SLC9A9: variants seen among roughly 807,000 people sequenced by gnomAD.
The protein encoded by SLC9A9 is solute carrier family 9 member A9.
Under a neutral mutation model 77.8 loss-of-function variants are expected in SLC9A9, and 62 were observed. That is an observed-to-expected ratio of 0.80 (90% confidence interval 0.65 to 0.98). SLC9A9 has a LOEUF of 0.98. SLC9A9 is among the 50% of genes least tolerant of loss of function. SLC9A9 has a pLI of 0.00. For synonymous variants in SLC9A9, 320 were observed against 283.5 expected (o/e 1.13, Z -1.29); for missense variants, 775 against 774.9 (o/e 1.00, Z 0.00).
At chr3:143,392,137 G>A (rs896376158) in intron 12 of SLC9A9, among the ~76,000 whole-genome samples, 1 of 152,082 alleles carries the variant, frequency 6.6e-6, no homozygotes, top group Non-Finnish European at 1.5e-5. Context: ...GCAACTCCAA[G>A]ACACATAATT....
chr3:143,292,924 C>G (rs2030078660), intron 14 of SLC9A9, among the ~76,000 whole-genome samples: 1 of 152,092 alleles, frequency 6.6e-6, no homozygotes, highest in Non-Finnish European at 1.5e-5. Flanking sequence ...GCTGCCGCTG[C>G]TGGGGGAAAT....
rs1049266302 is a variant in SLC9A9, at chr3:143,837,845, T to C, written c.176-5624A>G. Among the ~76,000 whole-genome samples, 6 of 152,218 alleles carry C rather than the reference T, an allele frequency of 3.9e-5. No homozygotes were observed. The South Asian group carries it at 1.2e-3, about 31-fold the overall frequency. On this transcript the variant is annotated intron_variant, in intron 1 of 15. Coordinates refer to ENST00000316549, the MANE Select transcript of SLC9A9 (RefSeq NM_173653.4). ...GACACAGAAGAGATGAGCTCTCTTCTTTTCCAGCATATTAATGGGCCCGGT... is the reference window on the plus strand; with the variant it reads ...GACACAGAAGAGATGAGCTCTCTTCCTTTCCAGCATATTAATGGGCCCGGT...
intron 4 of SLC9A9, among the ~76,000 whole-genome samples, chr3:143,703,920 C>A (rs528869532): frequency 6.6e-6 from 1 of 152,038 alleles, no homozygotes. Context: ...GATCATTAGT[C>A]GCTACCCTGA....
intron 6 of SLC9A9, among the ~76,000 whole-genome samples, chr3:143,645,101 C>T (rs1189553150): frequency 2.0e-5 from 3 of 152,150 alleles, no homozygotes; most frequent in Non-Finnish European, 4.4e-5. Flanking sequence ...AAATATCTAT[C>T]TCTGGAAGAG....
At chr3:143,560,870 T>C (rs2037072945) in intron 8 of SLC9A9, among the ~76,000 whole-genome samples, 3 of 152,208 alleles carry the variant, frequency 2.0e-5, no homozygotes, top group Middle Eastern at 3.2e-3. Context: ...GACTTTCAAA[T>C]GCATTTTTCT....
At chr3:143,490,566 C>T (rs838605) in intron 11 of SLC9A9, among the ~76,000 whole-genome samples, 70,477 of 151,752 alleles carry the variant, frequency 0.46, 17,685 homozygotes, top group Non-Finnish European at 0.55. Flanking sequence ...TTTTACAAGA[C>T]GAAAAGAATT....
intron 6 of SLC9A9, among the ~76,000 whole-genome samples, chr3:143,641,726 C>A (rs12635131): frequency 0.49 from 74,619 of 151,962 alleles, 18,362 homozygotes; most frequent in Non-Finnish European, 0.5. Context: ...TTTTGAGAAG[C>A]ATTCTGGTGA....
intron 4 of SLC9A9, among the ~76,000 whole-genome samples, chr3:143,758,580 C>T (rs1377447049): frequency 6.6e-6 from 1 of 151,994 alleles, no homozygotes; most frequent in Non-Finnish European, 1.5e-5. Context: ...GAAAACAAGC[C>T]AAGGTGGGGG....
intron 4 of SLC9A9, among the ~76,000 whole-genome samples, chr3:143,732,532 C>T (rs375659017): frequency 7.6e-4 from 116 of 152,180 alleles, no homozygotes; most frequent in African/African-American, 2.2e-3. Flanking sequence ...TTCAGTTGCG[C>T]GTGTGACTGT....
intron 12 of SLC9A9, among the ~76,000 whole-genome samples, chr3:143,386,029 G>A (rs2033416822): frequency 6.6e-6 from 1 of 152,146 alleles, no homozygotes. Flanking sequence ...GCGATACCCT[G>A]CCTTCTTTCC....
At chr3:143,519,773 G>C (rs1237670216) in intron 9 of SLC9A9, among the ~76,000 whole-genome samples, 1 of 152,126 alleles carries the variant, frequency 6.6e-6, no homozygotes, top group East Asian at 1.9e-4. Context: ...AAAGTAGAGA[G>C]AGGTGAGAGG....
At chr3:143,640,236 C>T (rs1576628133) in intron 6 of SLC9A9, among the ~76,000 whole-genome samples, 1 of 151,976 alleles carries the variant, frequency 6.6e-6, no homozygotes, top group African/African-American at 2.4e-5. Context: ...TTAGCCAGGA[C>T]AGTCTCAATT....
chr3:143,757,568 A>C (rs1001913320), intron 4 of SLC9A9, among the ~76,000 whole-genome samples: 3 of 152,126 alleles, frequency 2.0e-5, no homozygotes, highest in Non-Finnish European at 4.4e-5. Flanking sequence ...ATTGCAAGTC[A>C]ATGGATGCCT....
chr3:143,367,832 C>T (rs780438278), intron 13 of SLC9A9, among the ~76,000 whole-genome samples: 29 of 152,158 alleles, frequency 1.9e-4, no homozygotes, highest in Non-Finnish European at 2.4e-4. Flanking sequence ...TATTTCTTCT[C>T]TTTCGAGGAT....
At chr3:143,370,708 G>T (rs962762765) in intron 13 of SLC9A9, among the ~76,000 whole-genome samples, 1 of 148,954 alleles carries the variant, frequency 6.7e-6, no homozygotes, top group Non-Finnish European at 1.5e-5. Flanking sequence ...GTGTAGATTT[G>T]TGATTCCATT....
intron 13 of SLC9A9, among the ~76,000 whole-genome samples, chr3:143,379,603 T>G (rs1163205769): frequency 6.6e-6 from 1 of 152,222 alleles, no homozygotes; most frequent in Non-Finnish European, 1.5e-5. Flanking sequence ...ATAACGCTAC[T>G]TACTTAACAT....
At chr3:143,533,235 A>G (rs1301224916) in intron 9 of SLC9A9, among the ~76,000 whole-genome samples, 1 of 152,220 alleles carries the variant, frequency 6.6e-6, no homozygotes, top group African/African-American at 2.4e-5. Context: ...CCTGGCTCAC[A>G]GCGACCTGGG....
chr3:143,339,834 A>C (rs908688177), intron 14 of SLC9A9, among the ~76,000 whole-genome samples: 2 of 152,174 alleles, frequency 1.3e-5, no homozygotes, highest in Non-Finnish European at 2.9e-5. Flanking sequence ...ACTGTTTTTC[A>C]AAATAATTAT....
At chr3:143,771,909 G>C (rs566266926) in intron 4 of SLC9A9, among the ~76,000 whole-genome samples, 2 of 152,202 alleles carry the variant, frequency 1.3e-5, no homozygotes, top group South Asian at 4.2e-4. Flanking sequence ...CCCTTTCCAG[G>C]TCTCCTCCAG....
Sources: allele counts gnomAD v4.1 joint callset (sites outside exome capture counted in the v4.1 genomes callset), GRCh38; gene constraint gnomAD v4.1.1; transcripts MANE v1.5; gene names NCBI Gene and HGNC (gene_info 2026-07-23, HGNC 2026-07-21).